The following NUCKS1 variants were observed in gnomAD, a reference collection of about 807,000 sequenced individuals.
NUCKS1 encodes nuclear ubiquitous casein and cyclin-dependent kinase substrate 1.
In NUCKS1, 2 loss-of-function variants were observed where a neutral mutation model predicts 33.0. The observed-to-expected ratio is 0.06, with a 90% confidence interval of 0.02 to 0.19. The LOEUF (loss-of-function observed/expected upper bound fraction) is 0.19, where lower values mean the gene tolerates loss of function less well. Ranked by LOEUF, NUCKS1 falls within the 10% of genes least tolerant of loss-of-function variation. NUCKS1 has a pLI of 1.00. For synonymous variants in NUCKS1, 106 were observed against 102.8 expected, an observed-to-expected ratio of 1.03 and a Z score of -0.19; for missense variants, 201 against 293.6, an observed-to-expected ratio of 0.68 and a Z score of 2.31.
intron 1 of NUCKS1, among the ~76,000 whole-genome samples, chr1:205,747,568 T>C (rs1654362826): frequency 1.3e-5 from 2 of 152,320 alleles, no homozygotes; most frequent in South Asian, 4.1e-4. Context: ...TTTAGGTTCA[T>C]ATTAAAATAA....
At position 205,743,160 on chromosome 1, in the gene NUCKS1, T is replaced by C. The variant is rs1229144378; in HGVS notation, c.17+6797A>G. ...CCAGCGTTACACAGTATGGTGACTG[T>C]TACATTTTTGGGAAAAAACAGGCCA... is the stretch of plus-strand genomic sequence containing the variant. On this transcript the variant is annotated intron_variant, in intron 1 of 6. Coordinates refer to ENST00000367142, the MANE Select transcript of NUCKS1 (RefSeq NM_022731.5). 4.6e-5 allele frequency among the ~76,000 whole-genome samples: 7 copies of C among 152,194 alleles called. No homozygotes were observed. The South Asian group carries it at 8.3e-4, about 18-fold the overall frequency.
At chr1:205,746,443 T>A (rs1196581248) in intron 1 of NUCKS1, among the ~76,000 whole-genome samples, 1,303 of 70,158 alleles carry the variant, frequency 0.019, 5 homozygotes, top group Admixed American at 0.038. Flanking sequence ...CACTTCTCTC[T>A]CTCTCTCTCT....
rs1004658394 is a variant in NUCKS1, at chr1:205,729,564, A to C, written c.67+8T>G. On this transcript the variant is annotated splice_region_variant and intron_variant, in intron 2 of 6. Coordinates refer to ENST00000367142, the MANE Select transcript of NUCKS1 (RefSeq NM_022731.5). ...CAACTTAAAATTTGTTGAAACCACA[A>C]AACTTACCTGCATCATCAGATTCCT... is the stretch of plus-strand genomic sequence containing the variant. The C allele has an allele frequency of 2.5e-6, 4 of 1,611,002 alleles. No homozygotes were observed. The African/African-American group carries it at 5.3e-5, about 22-fold the overall frequency.
chr1:205,743,364 A>T (rs1654229760), intron 1 of NUCKS1, among the ~76,000 whole-genome samples: 1 of 152,218 alleles, frequency 6.6e-6, no homozygotes, highest in African/African-American at 2.4e-5. Context: ...AACCCAGAAG[A>T]GGCTGAAATC....
rs941122672 is a variant in NUCKS1 at position 205,717,316 on chromosome 1, T to C, written c.*964A>G. 2.2e-5 allele frequency: 22 copies of C among 987,284 alleles called. No individual in the cohort carries two copies. The highest frequency in any genetic ancestry group is 2.5e-5 in the Non-Finnish European group (21 of 829,994). The allele number at this position is 987,284 out of a possible 1,614,324, so 61.2% of individuals were successfully genotyped here. A position where few individuals can be genotyped will look rare whatever the true frequency, so the allele number is the denominator to read the frequency against. On this transcript the variant is annotated 3_prime_UTR_variant, in exon 7 of 7. Coordinates refer to ENST00000367142, the MANE Select transcript of NUCKS1 (RefSeq NM_022731.5). ...GTTTCACATTAACTGGAACTTTATT[T>C]GCTTAAAACCTAAACATTGTCAGTT...
intron 1 of NUCKS1, among the ~76,000 whole-genome samples, chr1:205,730,899 C>G (rs756113899): frequency 6.6e-6 from 1 of 152,150 alleles, no homozygotes; most frequent in Non-Finnish European, 1.5e-5. Context: ...CAAAGATGCC[C>G]TATTTATAAG....
intron 1 of NUCKS1, among the ~76,000 whole-genome samples, chr1:205,739,471 A>T (rs937091520): frequency 2.7e-5 from 4 of 149,478 alleles, no homozygotes; most frequent in Admixed American, 1.3e-4. Flanking sequence ...CACAACTCAA[A>T]TTTTTTTTTT....
Position 205,719,667 on chromosome 1 carries a change from C to A in NUCKS1, c.392G>T (p.Gly131Val), listed in dbSNP as rs780826132. ...TTCCATTAGGAAATCTTCATCGCTG[C>A]CGGAATCTTCTGAGAAGAAAGAAGA... is the stretch of plus-strand genomic sequence containing the variant. ...DEAPFQEKDSGSDEDFLMEDD... is the reference protein window; with the variant it reads ...DEAPFQEKDSVSDEDFLMEDD... The change falls in exon 6 of 7, where the codon GGC (glycine) becomes GTC (valine). Residue 131 changes from glycine to valine, a missense_variant. Physicochemically the swap from Gly to Val is moderately radical, Grantham distance 109 (BLOSUM62 -3). Coordinates refer to ENST00000367142, the MANE Select transcript of NUCKS1 (RefSeq NM_022731.5). 8 of 1,607,250 alleles carry A rather than the reference C, an allele frequency of 5.0e-6. No individual in the cohort carries two copies. Among genetic ancestry groups the A allele is most frequent in the Non-Finnish European group, 5.9e-6 (7 of 1,178,324 alleles).
At chr1:205,740,561 G>C (rs1246395393) in intron 1 of NUCKS1, among the ~76,000 whole-genome samples, 1 of 151,928 alleles carries the variant, frequency 6.6e-6, no homozygotes, top group Non-Finnish European at 1.5e-5. Context: ...GTTGCAATGA[G>C]ATCAGGCCAC....
At chr1:205,737,996 T>G (rs1455820570) in intron 1 of NUCKS1, among the ~76,000 whole-genome samples, 1 of 152,186 alleles carries the variant, frequency 6.6e-6, no homozygotes, top group Admixed American at 6.6e-5. Flanking sequence ...CTGCTAAACT[T>G]TACCTCCAAA....
Position 205,713,867 on chromosome 1 carries a change from A to C in NUCKS1, c.*4413T>G, listed in dbSNP as rs1671782947. ...CTTCCTGCTCAGAACATAAAAGATT[A>C]AGGACTAAAATCAAGGAAGACTGGG... On this transcript the variant is annotated 3_prime_UTR_variant, in exon 7 of 7. Coordinates refer to ENST00000367142, the MANE Select transcript of NUCKS1 (RefSeq NM_022731.5). 1 of 152,330 alleles carries C rather than the reference A, an allele frequency of 6.6e-6. No homozygotes were observed. Among genetic ancestry groups the C allele is most frequent in the South Asian group, 2.1e-4 (1 of 4,828 alleles). 9.4% of individuals were successfully genotyped at this position (152,330 alleles called of 1,614,324 possible).
chr1:205,721,260 C>A (rs1040690238), intron 4 of NUCKS1, among the ~76,000 whole-genome samples: 8 of 150,988 alleles, frequency 5.3e-5, no homozygotes, highest in African/African-American at 1.7e-4. Flanking sequence ...ACATCCTGCA[C>A]ATGTATCCCA....
intron 1 of NUCKS1, among the ~76,000 whole-genome samples, chr1:205,744,179 C>T (rs1654252498): frequency 6.6e-6 from 1 of 152,178 alleles, no homozygotes; most frequent in African/African-American, 2.4e-5. Flanking sequence ...TGTGCTAACA[C>T]CGTGACAAAG....
chr1:205,719,944 T>TA (rs925956482), intron 5 of NUCKS1, among the ~76,000 whole-genome samples: 41 of 152,322 alleles, frequency 2.7e-4, no homozygotes, highest in Admixed American at 2.6e-3. Flanking sequence ...TTAATCTGAA[T>TA]AAAAACTGAA....
chr1:205,736,224 T>G (rs1252137313), intron 1 of NUCKS1, among the ~76,000 whole-genome samples: 1 of 152,164 alleles, frequency 6.6e-6, no homozygotes, highest in Admixed American at 6.5e-5. Flanking sequence ...AGTGCTAGGA[T>G]TACAAGCATG....
At chr1:205,721,813 T>C (rs7545345) in intron 4 of NUCKS1, among the ~76,000 whole-genome samples, 18,186 of 151,896 alleles carry the variant, frequency 0.12, 1,175 homozygotes, top group Middle Eastern at 0.14. Context: ...TAGCTGGGAT[T>C]ACAGGTGCGC....
At position 205,750,052 on chromosome 1, in the gene NUCKS1, C is replaced by CCCCCCCCCCCCCCCCCCCCCCCA; in HGVS notation, c.-80_-79insTGGGGGGGGGGGGGGGGGGGGGG. 7.8e-7 allele frequency: 1 copy of CCCCCCCCCCCCCCCCCCCCCCCA among 1,277,230 alleles called. No individual in the cohort carries two copies. The highest frequency in any genetic ancestry group is 1.0e-6 in the Non-Finnish European group (1 of 961,264). 79.1% of individuals were successfully genotyped at this position (1,277,230 alleles called of 1,614,324 possible). On this transcript the variant is annotated 5_prime_UTR_variant, in exon 1 of 7. Coordinates refer to ENST00000367142, the MANE Select transcript of NUCKS1 (RefSeq NM_022731.5). ...ACCCCGCGCGCTCGGCGCCCCACCC[C>CCCCCCCCCCCCCCCCCCCCCCCA]CCCCGAACTTCAGCCGATGGGACCG...
At position 205,714,144 on chromosome 1, in the gene NUCKS1, T is replaced by C. The variant is rs1339698196; in HGVS notation, c.*4136A>G. The C allele has an allele frequency of 2.6e-5, 4 of 152,122 alleles. No individual in the cohort carries two copies. Among genetic ancestry groups the C allele is most frequent in the Non-Finnish European group, 5.9e-5 (4 of 68,010 alleles). 9.4% of individuals were successfully genotyped at this position (152,122 alleles called of 1,614,324 possible). A position where few individuals can be genotyped will look rare whatever the true frequency, so the allele number is the denominator to read the frequency against. Reference sequence around the variant, plus strand: ...TAAGTTCCAGAAGACAAAGCTTTAATTGCCAGATGTATACAAACACACACT... The same window carrying C: ...TAAGTTCCAGAAGACAAAGCTTTAACTGCCAGATGTATACAAACACACACT... On this transcript the variant is annotated 3_prime_UTR_variant, in exon 7 of 7. Transcript: ENST00000367142.
At chr1:205,718,945 T>C (rs1025886923) in intron 6 of NUCKS1, among the ~76,000 whole-genome samples, 16 of 152,234 alleles carry the variant, frequency 1.1e-4, no homozygotes, top group Non-Finnish European at 1.9e-4. Flanking sequence ...AACAGAAGTT[T>C]AACAATGACT....
Sources: allele counts gnomAD v4.1 joint callset (sites outside exome capture counted in the v4.1 genomes callset), GRCh38; gene constraint gnomAD v4.1.1; transcripts MANE v1.5; gene names NCBI Gene and HGNC (gene_info 2026-07-23, HGNC 2026-07-21).